Variants in ZFYVE28 observed in about 807,000 individuals in gnomAD.
ZFYVE28 encodes the protein lateral signaling target protein 2 homolog.
Under a neutral mutation model 82.1 loss-of-function variants are expected in ZFYVE28, and 40 were observed. The ratio of observed to expected loss-of-function variants is 0.49; its 90% CI spans 0.38 to 0.63. The LOEUF is 0.63. Ranked by LOEUF, ZFYVE28 falls within the 30% of genes least tolerant of loss-of-function variation. ZFYVE28 has a pLI of 0.00. For missense variants in ZFYVE28, 1,321 were observed against 1,242.1 expected (o/e 1.06, Z -0.96); for synonymous variants, 612 against 546.1 (o/e 1.12, Z -1.68).
rs200631973 is a variant in ZFYVE28 at position 2,339,671 on chromosome 4, C to G, written c.319-16G>C. ...CGGCCAGGCACTGCGGGAGGGGACA[C>G]ACTCAGGGAGGGGCCCGGGTGAGGG... On this transcript the variant is annotated splice_polypyrimidine_tract_variant and intron_variant, in intron 3 of 12. Transcript: ENST00000290974. The surrounding 1 kb of genome is among the most constrained non-coding windows in gnomAD (Gnocchi z 5.0). 1.4e-4 allele frequency: 225 copies of G among 1,580,320 alleles called. 1 individual carries two copies. The East Asian group carries it at 1.9e-3, about 14-fold the overall frequency.
rs781156314 is a variant in ZFYVE28 at position 2,304,478 on chromosome 4, G to A, written c.1862C>T (p.Ser621Phe). ...EEAPPPSEDA[S>F]NGREPKAPTS... Reference sequence around the variant, plus strand: ...GGGGGCTTTGGGCTCCCGCCCGTTGGAGGCATCTTCTGAGGGTGGGGGCGC... The same window carrying A: ...GGGGGCTTTGGGCTCCCGCCCGTTGAAGGCATCTTCTGAGGGTGGGGGCGC... Residue 621 changes from serine (S) to phenylalanine (F), a missense_variant, in exon 8 of 13, where the codon TCC (serine) becomes TTC (phenylalanine). By Grantham distance (155) the Ser-to-Phe change is radical (BLOSUM62 -2). Around this residue, in one of 2 missense-constraint regions of ZFYVE28, gnomAD observed 978 missense variants for 833.7 expected, o/e 1.17. Coordinates refer to ENST00000290974, the MANE Select transcript of ZFYVE28 (RefSeq NM_020972.3). 3 of 1,613,316 alleles carry A rather than the reference G, an allele frequency of 1.9e-6. No individual in the cohort carries two copies. The highest frequency in any genetic ancestry group is 2.5e-6 in the Non-Finnish European group (3 of 1,179,836).
chr4:2,401,450 G>A (rs1233835199), intron 1 of ZFYVE28, among the ~76,000 whole-genome samples: 2 of 152,104 alleles, frequency 1.3e-5, no homozygotes, highest in Admixed American at 1.3e-4. Context: ...CGGGTCGCAG[G>A]GACACACCCT....
intron 7 of ZFYVE28, among the ~76,000 whole-genome samples, chr4:2,311,417 T>C (rs1717454147): frequency 6.6e-6 from 1 of 152,122 alleles, no homozygotes; most frequent in Non-Finnish European, 1.5e-5. Flanking sequence ...TTCCAGCTAC[T>C]TGGGAGGCTG....
intron 1 of ZFYVE28, among the ~76,000 whole-genome samples, chr4:2,376,371 TAAAAAAAAAAAA>T (rs55652132): frequency 1.3e-5 from 1 of 75,748 alleles, no homozygotes; most frequent in African/African-American, 5.4e-5. Flanking sequence ...ACCCTATCTC[TAAAAAAAAAAAA>T]AAAAAAAAAA....
intron 8 of ZFYVE28, among the ~76,000 whole-genome samples, chr4:2,296,065 T>C (rs554367090): frequency 1.3e-5 from 2 of 152,152 alleles, no homozygotes; most frequent in Non-Finnish European, 2.9e-5. Flanking sequence ...CATGAGGACA[T>C]GTGGGGGACC....
At chr4:2,401,571 G>A (rs529491157) in intron 1 of ZFYVE28, among the ~76,000 whole-genome samples, 1 of 152,138 alleles carries the variant, frequency 6.6e-6, no homozygotes, top group East Asian at 1.9e-4. Flanking sequence ...TTCTGGCTCT[G>A]TGAGTTCTGA....
intron 8 of ZFYVE28, among the ~76,000 whole-genome samples, chr4:2,299,571 C>T (rs1715168116): frequency 9.3e-5 from 2 of 21,400 alleles, no homozygotes; most frequent in South Asian, 3.5e-3. Context: ...TGTGCCACTG[C>T]ACTCCAGCCT....
chr4:2,296,449 G>A (rs969013804), intron 8 of ZFYVE28, among the ~76,000 whole-genome samples: 2 of 152,226 alleles, frequency 1.3e-5, no homozygotes, highest in African/African-American at 4.8e-5. Flanking sequence ...ACTTATAAAC[G>A]ATTGGCTTAA....
At chr4:2,337,127 A>T (rs1721948342) in intron 5 of ZFYVE28, among the ~76,000 whole-genome samples, 1 of 150,044 alleles carries the variant, frequency 6.7e-6, no homozygotes, top group Admixed American at 6.6e-5. Context: ...GTCCTCTGAC[A>T]GTGACTTCAC....
At chr4:2,290,934 G>C (rs1713558972) in intron 8 of ZFYVE28, among the ~76,000 whole-genome samples, 1 of 152,246 alleles carries the variant, frequency 6.6e-6, no homozygotes, top group Admixed American at 6.5e-5. Context: ...TATTATTATG[G>C]TCTGGGAAAC....
At chr4:2,311,961 T>A (rs776963654) in intron 7 of ZFYVE28, among the ~76,000 whole-genome samples, 9 of 152,178 alleles carry the variant, frequency 5.9e-5, no homozygotes, top group Non-Finnish European at 5.9e-5. Flanking sequence ...ATTGTTGTTT[T>A]AATATGTTAA....
At chr4:2,398,153 G>C (rs1730685559) in intron 1 of ZFYVE28, among the ~76,000 whole-genome samples, 1 of 152,224 alleles carries the variant, frequency 6.6e-6, no homozygotes, top group Admixed American at 6.5e-5. Flanking sequence ...CAAGGGCAAG[G>C]GACCTAGAGC....
intron 9 of ZFYVE28, 142 bp downstream of exon 9, chr4:2,273,920 G>T (rs992427699): frequency 1.1e-6 from 1 of 922,092 alleles, no homozygotes; most frequent in Non-Finnish European, 1.6e-6. Context: ...CCATGAACAG[G>T]AGTGCTGGCT....
At position 2,304,463 on chromosome 4, in the gene ZFYVE28, G is replaced by A; in HGVS notation, c.1877C>T (p.Pro626Leu). The A allele has an allele frequency of 8.1e-6, 13 of 1,613,520 alleles. No individual in the cohort carries two copies. Among genetic ancestry groups the A allele is most frequent in the Admixed American group, 1.7e-5 (1 of 60,014 alleles). The change falls in exon 8 of 13, where the codon CCC (proline) becomes CTC (leucine). Residue 626 changes from proline (P) to leucine (L), a missense_variant. Pro to Leu is a moderately conservative substitution (Grantham distance 98). Coordinates refer to ENST00000290974, the MANE Select transcript of ZFYVE28 (RefSeq NM_020972.3). ...PSEDASNGRE[P>L]KAPTSDKCLP... ...GCACTTGTCGGAAGTGGGGGCTTTG[G>A]GCTCCCGCCCGTTGGAGGCATCTTC... is the stretch of plus-strand genomic sequence containing the variant.
In ZFYVE28 at chr4:2,270,349, G is replaced by T; in HGVS notation, c.*376C>A. ...TCCGGCTTCCAGATTCACCGCAACA[G>T]CAGAGGCGCAGAGTGGCCCCACTCT... On this transcript the variant is annotated 3_prime_UTR_variant, in exon 13 of 13. Coordinates refer to ENST00000290974, the MANE Select transcript of ZFYVE28 (RefSeq NM_020972.3). 1 of 185,778 alleles carries T rather than the reference G, an allele frequency of 5.4e-6. No individual in the cohort carries two copies. Among genetic ancestry groups the T allele is most frequent in the Non-Finnish European group, 9.6e-6 (1 of 104,606 alleles). 11.5% of individuals were successfully genotyped at this position (185,778 alleles called of 1,614,324 possible).
At position 2,275,301 on chromosome 4, in the gene ZFYVE28, G is replaced by A. The variant is rs201165665; in HGVS notation, c.2052-1085C>T. Among the ~76,000 whole-genome samples the A allele has an allele frequency of 7.9e-5, 12 of 152,288 alleles. No homozygotes were observed. The East Asian group carries it at 1.5e-3, about 20-fold the overall frequency. On this transcript the variant is annotated intron_variant, in intron 8 of 12. Coordinates refer to ENST00000290974, the MANE Select transcript of ZFYVE28 (RefSeq NM_020972.3). ...CACAGCTGGGCCTGTACTAACTCCG[G>A]AGGTTCACCTCGCCCAACTCTAGGG...
chr4:2,311,745 C>T (rs1370444355), intron 7 of ZFYVE28, among the ~76,000 whole-genome samples: 4 of 151,884 alleles, frequency 2.6e-5, no homozygotes, highest in African/African-American at 4.8e-5. Flanking sequence ...TATAAATTTC[C>T]TTCAAAACAC....
At chr4:2,297,859 G>A (rs376677399) in intron 8 of ZFYVE28, among the ~76,000 whole-genome samples, 2,643 of 150,322 alleles carry the variant, frequency 0.018, 12 homozygotes, top group Non-Finnish European at 0.029. Flanking sequence ...GGCGGGCTGT[G>A]CTGGGAGGAA....
At chr4:2,312,485 T>G (rs1480354978) in intron 7 of ZFYVE28, among the ~76,000 whole-genome samples, 1 of 152,046 alleles carries the variant, frequency 6.6e-6, no homozygotes, top group East Asian at 1.9e-4. Flanking sequence ...TCATAGCACT[T>G]TGGGAGGCCG....
Sources: gnomAD v4.1 joint callset for allele counts (sites outside exome capture counted in the v4.1 genomes callset) on GRCh38, gnomAD v4.1.1 for gene constraint, gnomAD v4.1.1 regional missense constraint, Gnocchi (gnomAD v3.1) non-coding constraint, MANE v1.5 for transcripts, NCBI Gene and HGNC (gene_info 2026-07-23, HGNC 2026-07-21) for gene names.